ZNF529: variants seen among roughly 807,000 people sequenced by gnomAD.
ZNF529 encodes the protein zinc finger protein 529.
Under a neutral mutation model 10.1 loss-of-function variants are expected in ZNF529, and 11 were observed. The observed-to-expected ratio is 1.09, with a 90% CI of 0.69 to 1.81. The LOEUF is 1.81. Among genes scored for constraint, ZNF529 ranks in the 40% most tolerant of loss-of-function variants. The pLI, the probability that ZNF529 is intolerant of heterozygous loss-of-function variation, is 0.00. For synonymous variants in ZNF529, 204 were observed against 215.7 expected (o/e 0.95, Z 0.47); for missense variants, 624 against 666.8 (o/e 0.94, Z 0.71).
At chr19:36,554,440 T>C (rs2145803813) in intron 4 of ZNF529, among the ~76,000 whole-genome samples, 1 of 152,118 alleles carries the variant, frequency 6.6e-6, no homozygotes, top group Admixed American at 6.5e-5. Context: ...TAGATGGGCA[T>C]AGTGGCGGGC....
chr19:36,546,511 A>G lies in ZNF529; in HGVS notation c.*355T>C, dbSNP rs955888667. The G allele has an allele frequency of 4.8e-5, 9 of 188,180 alleles. No individual in the cohort carries two copies. Among genetic ancestry groups the G allele is most frequent in the Middle Eastern group, 2.4e-3 (1 of 424 alleles). The allele number at this position is 188,180 out of a possible 1,614,324, so 11.7% of individuals were successfully genotyped here. A position where few individuals can be genotyped will look rare whatever the true frequency, so the allele number is the denominator to read the frequency against. ...ATAAGTAAGTATAGATATCACAAGCAAAGAATTACAATGCAGAAAAGATAT... is the reference window on the plus strand; with the variant it reads ...ATAAGTAAGTATAGATATCACAAGCGAAGAATTACAATGCAGAAAAGATAT... On this transcript the variant is annotated 3_prime_UTR_variant, in exon 5 of 5. Transcript: ENST00000591340.
At chr19:36,573,756 G>A (rs2036237742), upstream of ZNF529, among the ~76,000 whole-genome samples, 1 of 152,194 alleles carries the variant, frequency 6.6e-6, no homozygotes, top group African/African-American at 2.4e-5. Flanking sequence ...GGCCGAAGAA[G>A]GAACTGGAGG....
upstream of ZNF529, chr19:36,575,046 C>T: frequency 2.5e-6 from 1 of 403,540 alleles, no homozygotes; most frequent in South Asian, 1.9e-5. Flanking sequence ...ATGGGCTCAA[C>T]AGGGTTGTGA....
Position 36,556,182 on chromosome 19 carries a change from A to G in ZNF529, c.30T>C (p.His10=), listed in dbSNP as rs1381742633. 16 of 1,178,286 alleles carry G rather than the reference A, an allele frequency of 1.4e-5. No individual in the cohort carries two copies. Among genetic ancestry groups the G allele is most frequent in the Non-Finnish European group, 2.0e-5 (16 of 805,832 alleles). 73.0% of individuals were successfully genotyped at this position (1,178,286 alleles called of 1,614,324 possible). MANSSFIGD[H]VHGAPHAVMP... ...TGACAGCATGAGGAGCTCCATGGACATGATCCCCAATGAAACTGTAAAAAT... is the reference window on the plus strand; with the variant it reads ...TGACAGCATGAGGAGCTCCATGGACGTGATCCCCAATGAAACTGTAAAAAT... The change falls in exon 3 of 5, where the codon CAT becomes CAC. Residue 10 remains histidine (H), a synonymous_variant. Coordinates refer to ENST00000591340, the MANE Select transcript of ZNF529 (RefSeq NM_020951.5).
upstream of ZNF529, among the ~76,000 whole-genome samples, chr19:36,578,291 C>CTTTTGTTT (rs2036381726): frequency 3.1e-5 from 1 of 31,794 alleles, no homozygotes; most frequent in Non-Finnish European, 5.5e-5. Context: ...GTCTTGATCT[C>CTTTTGTTT]TTTTTTTTTT....
chr19:36,575,075 AG>A (rs1359214753), upstream of ZNF529, among the ~76,000 whole-genome samples: 2 of 152,236 alleles, frequency 1.3e-5, no homozygotes, highest in African/African-American at 4.8e-5. Context: ...TAGGATCCAT[AG>A]GATTGTGGCT....
At chr19:36,571,184 C>CT (rs1458322173) in intron 2 of ZNF529, among the ~76,000 whole-genome samples, 1 of 152,194 alleles carries the variant, frequency 6.6e-6, no homozygotes, top group East Asian at 1.9e-4. Flanking sequence ...ACCCTAAACA[C>CT]TGAAAATTTA....
intron 1 of ZNF529, among the ~76,000 whole-genome samples, chr19:36,602,737 C>A (rs1408746121): frequency 6.6e-6 from 1 of 152,188 alleles, no homozygotes; most frequent in Non-Finnish European, 1.5e-5. Flanking sequence ...TCAGGACCAG[C>A]CTGATCAACA....
At chr19:36,592,581 A>G in intron 1 of ZNF529, among the ~76,000 whole-genome samples, 1 of 151,172 alleles carries the variant, frequency 6.6e-6, no homozygotes. Context: ...GCAACAAAGC[A>G]AGACTCTGTC....
At position 36,565,056 on chromosome 19, in the gene ZNF529, T is replaced by C. The variant is rs561861798; in HGVS notation, c.14+7277A>G. ...GCTAAACACTGGGTACAAATAGACATAAATATGGGAACAATACACACTGCG... is the reference window on the plus strand; with the variant it reads ...GCTAAACACTGGGTACAAATAGACACAAATATGGGAACAATACACACTGCG... On this transcript the variant is annotated intron_variant, in intron 2 of 4. Coordinates refer to ENST00000591340, the MANE Select transcript of ZNF529 (RefSeq NM_020951.5). Among the ~76,000 whole-genome samples, 13 of 151,988 alleles carry C rather than the reference T, an allele frequency of 8.6e-5. No homozygotes were observed. In the East Asian group the frequency reaches 2.5e-3, roughly 29 times the overall value.
rs1327606168 is a variant in ZNF529 at position 36,547,006 on chromosome 19, T to C, written c.1552A>G (p.Ser518Gly). Reference protein sequence around the residue: ...CKACGKAFRHSSSFTKHQRIH... With the variant: ...CKACGKAFRHGSSFTKHQRIH... ...CGCTGATGTTTGGTAAAGGATGAAC[T>C]ATGTCTAAAGGCCTTCCCACATGCC... Residue 518 changes from serine to glycine, a missense_variant, in exon 5 of 5, where the codon AGT (serine) becomes GGT (glycine). Coordinates refer to ENST00000591340, the MANE Select transcript of ZNF529 (RefSeq NM_020951.5). The C allele has an allele frequency of 6.2e-7, 1 of 1,613,846 alleles. No individual in the cohort carries two copies. The highest frequency in any genetic ancestry group is 8.5e-7 in the Non-Finnish European group (1 of 1,179,936).
At chr19:36,590,394 C>T (rs1482668153) in intron 1 of ZNF529, among the ~76,000 whole-genome samples, 1 of 151,704 alleles carries the variant, frequency 6.6e-6, no homozygotes, top group Non-Finnish European at 1.5e-5. Flanking sequence ...TAAGTAAATA[C>T]ATAAATAAAT....
chr19:36,596,057 C>CTTTTTTTT (rs61695534), intron 1 of ZNF529, among the ~76,000 whole-genome samples: 1 of 68,618 alleles, frequency 1.5e-5, no homozygotes, highest in Non-Finnish European at 2.6e-5. Context: ...TCCTGAAGCT[C>CTTTTTTTT]TTTTTTTTTT....
At chr19:36,601,473 G>A (rs899450101) in intron 1 of ZNF529, among the ~76,000 whole-genome samples, 1 of 152,152 alleles carries the variant, frequency 6.6e-6, no homozygotes, top group African/African-American at 2.4e-5. Context: ...GACTGCTTGA[G>A]CCCAGGAGTT....
In ZNF529 at chr19:36,547,322, A is replaced by G. The variant is rs370748331; in HGVS notation, c.1236T>C (p.His412=). 98 of 1,613,724 alleles carry G rather than the reference A, an allele frequency of 6.1e-5. No individual in the cohort carries two copies. The highest frequency in any genetic ancestry group is 7.6e-5 in the Non-Finnish European group (90 of 1,179,936). The change falls in exon 5 of 5, where the codon CAT becomes CAC. Residue 412 remains histidine (H), a synonymous_variant. Coordinates refer to ENST00000591340, the MANE Select transcript of ZNF529 (RefSeq NM_020951.5). ...GTTTTTCACCAGTATGAATCCTCTGATGTCTAGTCAGGGATGAACTATTTC... is the reference window on the plus strand; with the variant it reads ...GTTTTTCACCAGTATGAATCCTCTGGTGTCTAGTCAGGGATGAACTATTTC... The part of the protein sequence containing the change: ...VFRNSSSLTR[H]QRIHTGEKPY...
chr19:36,591,176 G>T (rs1322196372), intron 1 of ZNF529, among the ~76,000 whole-genome samples: 1 of 151,480 alleles, frequency 6.6e-6, no homozygotes, highest in African/African-American at 2.4e-5. Context: ...GTGTGCGCCT[G>T]TAGTCCCAGC....
At chr19:36,590,072 T>C (rs2036670740) in intron 1 of ZNF529, among the ~76,000 whole-genome samples, 1 of 152,126 alleles carries the variant, frequency 6.6e-6, no homozygotes, top group East Asian at 1.9e-4. Context: ...AAATGCACCA[T>C]ATAAAAATTT....
At position 36,547,485 on chromosome 19, in the gene ZNF529, C is replaced by A; in HGVS notation, c.1073G>T (p.Arg358Ile). ...ATAAGGTTTCTCACCAGTGTGAATTCTCTGATGTTCAATGAGCTGTGAACT... is the reference window on the plus strand; with the variant it reads ...ATAAGGTTTCTCACCAGTGTGAATTATCTGATGTTCAATGAGCTGTGAACT... ...RISSQLIEHQ[R>I]IHTGEKPYAC... Residue 358 changes from arginine to isoleucine, a missense_variant, in exon 5 of 5, where the codon AGA becomes ATA. By Grantham distance (97) the Arg-to-Ile change is moderately conservative. Coordinates refer to ENST00000591340, the MANE Select transcript of ZNF529 (RefSeq NM_020951.5). The A allele has an allele frequency of 6.2e-7, 1 of 1,613,406 alleles. No individual in the cohort carries two copies. Among genetic ancestry groups the A allele is most frequent in the East Asian group, 2.2e-5 (1 of 44,848 alleles).
intron 2 of ZNF529, among the ~76,000 whole-genome samples, chr19:36,566,024 G>A (rs58222115): frequency 0.011 from 1,684 of 152,278 alleles, 27 homozygotes; most frequent in African/African-American, 0.037. Context: ...CTTTTGCCCC[G>A]GCTGGAGTGC....
Sources: gnomAD v4.1 joint callset for allele counts (sites outside exome capture counted in the v4.1 genomes callset) on GRCh38, gnomAD v4.1.1 for gene constraint, MANE v1.5 for transcripts, NCBI Gene and HGNC (gene_info 2026-07-23, HGNC 2026-07-21) for gene names.